The following TMEM71 variants were observed in gnomAD, a reference collection of about 807,000 sequenced individuals.
TMEM71 encodes the protein transmembrane protein 71.
A neutral mutation model predicts 38.0 loss-of-function variants in TMEM71; 44 were observed. The ratio of observed to expected loss-of-function variants is 1.16; its 90% CI spans 0.91 to 1.49. The LOEUF (loss-of-function observed/expected upper bound fraction) is 1.49. Ranked by LOEUF, TMEM71 falls within the 40% of genes most tolerant of loss-of-function variation. The pLI is 0.00. For synonymous variants in TMEM71, 133 were observed against 122.5 expected (o/e 1.09, Z -0.56); for missense variants, 367 against 348.6 (o/e 1.05, Z -0.42).
intron 9 of TMEM71, among the ~76,000 whole-genome samples, chr8:132,712,737 C>A (rs186054490): frequency 6.6e-6 from 1 of 152,264 alleles, no homozygotes; most frequent in East Asian, 1.9e-4. Flanking sequence ...CCGTATAGAA[C>A]ATATTGTAAA....
At chr8:132,737,894 G>T (rs1827834225) in intron 5 of TMEM71, among the ~76,000 whole-genome samples, 1 of 152,052 alleles carries the variant, frequency 6.6e-6, no homozygotes, top group South Asian at 2.1e-4. Flanking sequence ...TTCTCAGATT[G>T]GCTTATGAAT....
chr8:132,748,749 G>A (rs148089186), intron 4 of TMEM71, among the ~76,000 whole-genome samples: 2 of 152,274 alleles, frequency 1.3e-5, no homozygotes, highest in East Asian at 3.9e-4. Context: ...TCAAATTTGA[G>A]AACAAAAAGT....
At chr8:132,707,080 C>G (rs572090229), downstream of TMEM71, among the ~76,000 whole-genome samples, 112 of 152,270 alleles carry the variant, frequency 7.4e-4, no homozygotes, top group African/African-American at 2.6e-3. Context: ...GTCTACAAGA[C>G]AAATGATGCA....
At chr8:132,727,085 G>A (rs987786928) in intron 6 of TMEM71, among the ~76,000 whole-genome samples, 2 of 151,632 alleles carry the variant, frequency 1.3e-5, no homozygotes, top group African/African-American at 4.8e-5. Flanking sequence ...TCAAACTCCT[G>A]ACCTCAGGTG....
chr8:132,764,511 G>A (rs1478570355), upstream of TMEM71, among the ~76,000 whole-genome samples: 2 of 152,154 alleles, frequency 1.3e-5, no homozygotes, highest in Admixed American at 6.5e-5. Flanking sequence ...TGGCCTGCCA[G>A]GCCTGGTAGG....
the TMEM71 span, among the ~76,000 whole-genome samples, chr8:132,767,403 A>G: frequency 6.6e-6 from 1 of 151,728 alleles, no homozygotes; most frequent in South Asian, 2.1e-4. Flanking sequence ...ACAACTTTTC[A>G]TGCATTTGAT....
At chr8:132,765,453 C>G (rs1478557310), upstream of TMEM71, among the ~76,000 whole-genome samples, 1 of 152,100 alleles carries the variant, frequency 6.6e-6, no homozygotes, top group Non-Finnish European at 1.5e-5. Flanking sequence ...TTAGAGTATA[C>G]CCGGCAATGA....
At chr8:132,750,474 A>T (rs1828645119) in intron 4 of TMEM71, among the ~76,000 whole-genome samples, 1 of 152,140 alleles carries the variant, frequency 6.6e-6, no homozygotes, top group African/African-American at 2.4e-5. Context: ...TGGAAAGAAC[A>T]TTTTTCTGTA....
chr8:132,751,047 A>G (rs1267812031), intron 4 of TMEM71, among the ~76,000 whole-genome samples: 10 of 152,024 alleles, frequency 6.6e-5, no homozygotes, highest in Admixed American at 6.6e-4. Flanking sequence ...ACATCCAACT[A>G]CCCATCCTTT....
intron 6 of TMEM71, among the ~76,000 whole-genome samples, chr8:132,725,210 T>G (rs1827076609): frequency 6.6e-6 from 1 of 152,064 alleles, no homozygotes; most frequent in Non-Finnish European, 1.5e-5. Flanking sequence ...GATAATTTTT[T>G]GTAGAAATGG....
At chr8:132,707,043 C>T (rs970114691), downstream of TMEM71, among the ~76,000 whole-genome samples, 9 of 152,150 alleles carry the variant, frequency 5.9e-5, no homozygotes, top group Admixed American at 1.3e-4. Flanking sequence ...CACAGACATG[C>T]GATCAGCAAA....
chr8:132,731,078 C>A (rs1827428428), intron 5 of TMEM71, among the ~76,000 whole-genome samples: 1 of 152,128 alleles, frequency 6.6e-6, no homozygotes, highest in Non-Finnish European at 1.5e-5. Flanking sequence ...AGTAACAGGG[C>A]ACTTTGCTTA....
intron 6 of TMEM71, among the ~76,000 whole-genome samples, chr8:132,725,461 TG>T (rs1827091454): frequency 6.6e-6 from 1 of 152,224 alleles, no homozygotes; most frequent in South Asian, 2.1e-4. Context: ...GATCCTGCAC[TG>T]TAAGCCTGGA....
At chr8:132,742,903 G>A (rs1039207526) in intron 5 of TMEM71, among the ~76,000 whole-genome samples, 26 of 152,208 alleles carry the variant, frequency 1.7e-4, no homozygotes, top group African/African-American at 5.5e-4. Flanking sequence ...CAGTCATGGC[G>A]GAAGGCAAGG....
At chr8:132,765,364 C>T (rs1829351737), upstream of TMEM71, among the ~76,000 whole-genome samples, 1 of 152,198 alleles carries the variant, frequency 6.6e-6, no homozygotes, top group Admixed American at 6.5e-5. Flanking sequence ...GCTCCAGTCC[C>T]TGCAGATCAC....
intron 5 of TMEM71, among the ~76,000 whole-genome samples, chr8:132,735,006 G>A (rs1292107207): frequency 6.6e-6 from 1 of 152,206 alleles, no homozygotes; most frequent in East Asian, 1.9e-4. Context: ...ACAGGCATGA[G>A]TTCTAGAGAA....
rs760334155 is a variant in TMEM71, at chr8:132,758,929, T to TA, written c.-36-15dup. The TA allele has an allele frequency of 1.2e-4, 185 of 1,547,176 alleles. No individual in the cohort carries two copies. Among genetic ancestry groups the TA allele is most frequent in the Middle Eastern group, 3.4e-4 (2 of 5,910 alleles). ...TTCACAGATTCTCTGCAAAAGATGT[T>TA]AAAAAAAAGGTGGACTATATATTAA... On this transcript the variant is annotated splice_polypyrimidine_tract_variant and intron_variant, in intron 1 of 9. Coordinates refer to ENST00000677595, the MANE Select transcript of TMEM71 (RefSeq NM_001382403.1).
chr8:132,763,505 G>A (rs186782564), upstream of TMEM71, among the ~76,000 whole-genome samples: 1 of 152,270 alleles, frequency 6.6e-6, no homozygotes, highest in East Asian at 1.9e-4. Flanking sequence ...ACTGTTAATG[G>A]AGGTGATGCG....
intron 9 of TMEM71, among the ~76,000 whole-genome samples, chr8:132,712,986 A>G (rs1294262117): frequency 6.6e-6 from 1 of 151,898 alleles, no homozygotes; most frequent in Non-Finnish European, 1.5e-5. Context: ...CAGTAGCTGC[A>G]ACTGCAGGTG....
Sources: gnomAD v4.1 joint callset for allele counts (sites outside exome capture counted in the v4.1 genomes callset) on GRCh38, gnomAD v4.1.1 for gene constraint, MANE v1.5 for transcripts, NCBI Gene and HGNC (gene_info 2026-07-23, HGNC 2026-07-21) for gene names.